DAPK2: variants seen among roughly 807,000 people sequenced by gnomAD.
DAPK2 encodes the protein death associated protein kinase 2.
Under a neutral mutation model 44.1 loss-of-function variants are expected in DAPK2, and 35 were observed. The observed-to-expected ratio is 0.79, with a 90% CI of 0.61 to 1.05. The LOEUF (loss-of-function observed/expected upper bound fraction) is 1.05. DAPK2 is among the 50% of genes least tolerant of loss of function. DAPK2 has a pLI of 0.00. For missense variants in DAPK2, 453 were observed against 483.2 expected (o/e 0.94, Z 0.59); for synonymous variants, 174 against 182.6 (o/e 0.95, Z 0.38).
intron 1 of DAPK2, among the ~76,000 whole-genome samples, chr15:64,009,616 A>C (rs1398357967): frequency 6.6e-6 from 1 of 152,072 alleles, no homozygotes; most frequent in Non-Finnish European, 1.5e-5. Context: ...CTCCTGTTTT[A>C]AGTTCAAGTT....
At chr15:64,021,354 G>C (rs1376042505) in intron 1 of DAPK2, among the ~76,000 whole-genome samples, 1 of 152,206 alleles carries the variant, frequency 6.6e-6, no homozygotes, top group African/African-American at 2.4e-5. Flanking sequence ...CACTTGGTCT[G>C]TTCCCCTGCC....
chr15:63,935,172 C>A (rs942452613), intron 4 of DAPK2, among the ~76,000 whole-genome samples: 2 of 149,348 alleles, frequency 1.3e-5, no homozygotes, highest in Non-Finnish European at 3.0e-5. Context: ...TTCACGACAA[C>A]CTCTGCCTCC....
chr15:64,025,791 G>A (rs1595906850), intron 1 of DAPK2, among the ~76,000 whole-genome samples: 1 of 152,220 alleles, frequency 6.6e-6, no homozygotes, highest in Non-Finnish European at 1.5e-5. Flanking sequence ...TAATAATTGA[G>A]TTTTATTTTG....
chr15:64,014,138 G>A (rs1021507330), intron 1 of DAPK2, among the ~76,000 whole-genome samples: 3 of 152,210 alleles, frequency 2.0e-5, no homozygotes, highest in South Asian at 4.1e-4. Flanking sequence ...GGTTATCACA[G>A]AGAATGCTTT....
intron 7 of DAPK2, 117 bp downstream of exon 8, chr15:63,925,824 G>C: frequency 7.4e-7 from 1 of 1,344,714 alleles, no homozygotes; most frequent in Non-Finnish European, 1.0e-6. Flanking sequence ...GCCCGGATTA[G>C]ACCACAACAG....
intron 3 of DAPK2, among the ~76,000 whole-genome samples, chr15:63,951,602 C>T (rs972053393): frequency 1.3e-5 from 2 of 151,734 alleles, no homozygotes; most frequent in African/African-American, 2.4e-5. Flanking sequence ...CTTTTATTTC[C>T]GATGGCATCC....
intron 1 of DAPK2, among the ~76,000 whole-genome samples, chr15:64,009,346 A>T (rs1021578785): frequency 6.6e-6 from 1 of 151,804 alleles, no homozygotes; most frequent in East Asian, 1.9e-4. Flanking sequence ...CACACACCCA[A>T]TCCACACCCC....
rs1483734764 is a variant in DAPK2 at position 63,990,181 on chromosome 15, C to G, written c.93-6427G>C. Among the ~76,000 whole-genome samples, 1 of 152,090 alleles carries G rather than the reference C, an allele frequency of 6.6e-6. No individual in the cohort carries two copies. The highest frequency in any genetic ancestry group is 1.5e-5 in the Non-Finnish European group (1 of 68,012). On this transcript the variant is annotated intron_variant, in intron 1 of 10. Coordinates refer to ENST00000261891, the Ensembl canonical transcript of DAPK2. The surrounding 1 kb of genome is among the most constrained non-coding windows in gnomAD (Gnocchi z 4.3). ...ATGGGCTGGGTGTGGTTGTTGTAATCCCAGCACTCTGGGAGGCGGGAGGAT... is the reference window on the plus strand; with the variant it reads ...ATGGGCTGGGTGTGGTTGTTGTAATGCCAGCACTCTGGGAGGCGGGAGGAT...
chr15:63,931,409 G>A (rs2079550451), intron 4 of DAPK2, among the ~76,000 whole-genome samples: 1 of 151,952 alleles, frequency 6.6e-6, no homozygotes, highest in Non-Finnish European at 1.5e-5. Flanking sequence ...GCAGGGAGAG[G>A]AAGGTACAGG....
At position 64,046,322 on chromosome 15, in the gene DAPK2, C is replaced by A; in HGVS notation, c.-31G>T. 1.0e-6 allele frequency: 1 copy of A among 952,470 alleles called. No homozygotes were observed. Among genetic ancestry groups the A allele is most frequent in the South Asian group, 5.2e-5 (1 of 19,388 alleles). The allele number at this position is 952,470 out of a possible 1,614,324, so 59.0% of individuals were successfully genotyped here. ...CGGCGGGAGGCTGAGCTGCCGCGGT[C>A]GCGGCCGCGGCAGGCGCGGCGGGAG... On this transcript the variant is annotated 5_prime_UTR_variant, in exon 1 of 12. Transcript: ENST00000457488. This position sits in a 1 kb window ranked among gnomAD's most constrained non-coding sequence, Gnocchi z 5.3.
chr15:64,015,630 A>T (rs912799134), intron 1 of DAPK2, among the ~76,000 whole-genome samples: 2 of 152,248 alleles, frequency 1.3e-5, no homozygotes, highest in Admixed American at 6.5e-5. Context: ...GGATCTTAAG[A>T]TGAGATCATT....
chr15:63,965,089 G>A (rs1313029615), intron 3 of DAPK2, among the ~76,000 whole-genome samples: 1 of 152,076 alleles, frequency 6.6e-6, no homozygotes, highest in Non-Finnish European at 1.5e-5. Flanking sequence ...CCATCTATTT[G>A]GGAAGGCTTT....
intron 2 of DAPK2, among the ~76,000 whole-genome samples, chr15:63,976,001 T>C (rs113872155): frequency 0.021 from 3,259 of 152,294 alleles, 110 homozygotes; most frequent in African/African-American, 0.075. Context: ...TTTTCTCCTT[T>C]CTTTAAACAT....
chr15:64,035,609 A>G (rs1457242930), intron 1 of DAPK2, among the ~76,000 whole-genome samples: 2 of 152,180 alleles, frequency 1.3e-5, no homozygotes, highest in African/African-American at 4.8e-5. Context: ...CCTCATCTAC[A>G]AAATGAGGAG....
At chr15:64,010,647 C>T (rs1013993795) in intron 1 of DAPK2, among the ~76,000 whole-genome samples, 1 of 152,288 alleles carries the variant, frequency 6.6e-6, no homozygotes, top group East Asian at 1.9e-4. Context: ...TTTAATTGTT[C>T]TGAGCCCCTA....
rs2079153191 is a variant in DAPK2 at position 63,923,633 on chromosome 15, C to T, written c.858+1183G>A. Reference sequence around the variant, plus strand: ...CTCACGCAGACAAGCAGGCTGCAGCCAGGACTCCGCAGGCATCTGCGCAGG... The same window carrying T: ...CTCACGCAGACAAGCAGGCTGCAGCTAGGACTCCGCAGGCATCTGCGCAGG... On this transcript the variant is annotated intron_variant, in intron 8 of 10. Coordinates refer to ENST00000261891, the Ensembl canonical transcript of DAPK2. This position sits in a 1 kb window ranked among gnomAD's most constrained non-coding sequence, Gnocchi z 4.2. 6.6e-6 allele frequency among the ~76,000 whole-genome samples: 1 copy of T among 152,240 alleles called. No individual in the cohort carries two copies. The highest frequency in any genetic ancestry group is 2.4e-5 in the African/African-American group (1 of 41,462).
rs1303279972 is a variant in DAPK2, at chr15:64,020,619, C to T, written c.92+19551G>A. Among the ~76,000 whole-genome samples, 1 of 152,092 alleles carries T rather than the reference C, an allele frequency of 6.6e-6. No individual in the cohort carries two copies. Among genetic ancestry groups the T allele is most frequent in the East Asian group, 1.9e-4 (1 of 5,204 alleles). ...TTTATAGTTGACAAAAGAGACACAC[C>T]CATTTGATAGCGAAAAGAAATCTAG... is the stretch of plus-strand genomic sequence containing the variant. On this transcript the variant is annotated intron_variant, in intron 1 of 10. Coordinates refer to ENST00000261891, the Ensembl canonical transcript of DAPK2. The surrounding 1 kb of genome is among the most constrained non-coding windows in gnomAD (Gnocchi z 4.5).
intron 3 of DAPK2, among the ~76,000 whole-genome samples, chr15:63,955,268 A>G (rs2077692411): frequency 6.6e-6 from 1 of 152,216 alleles, no homozygotes; most frequent in African/African-American, 2.4e-5. Flanking sequence ...CCCACTCAGT[A>G]TGATACTAGC....
In DAPK2 at chr15:63,971,355, A is replaced by G. The variant is rs2078206428; in HGVS notation, c.453+68T>C. The G allele has an allele frequency of 1.9e-6, 3 of 1,571,948 alleles. No homozygotes were observed. In the Admixed American group the frequency reaches 5.2e-5, roughly 27 times the overall value. On this transcript the variant is annotated intron_variant, in intron 3 of 10. Coordinates refer to ENST00000261891, the Ensembl canonical transcript of DAPK2. Reference sequence around the variant, plus strand: ...GGTCGGCACTGGGCCCATCCTGGGAAAGACACCAGGAGGGACTAAGCCTCT... The same window carrying G: ...GGTCGGCACTGGGCCCATCCTGGGAGAGACACCAGGAGGGACTAAGCCTCT...
Sources: allele counts gnomAD v4.1 joint callset (sites outside exome capture counted in the v4.1 genomes callset), GRCh38; gene constraint gnomAD v4.1.1; non-coding constraint Gnocchi (gnomAD v3.1); transcripts MANE v1.5; gene names NCBI Gene and HGNC (gene_info 2026-07-23, HGNC 2026-07-21).